The following ZNF536 variants were observed in gnomAD, a reference collection of about 807,000 sequenced individuals.
ZNF536 encodes zinc finger protein 536.
In ZNF536, 13 loss-of-function variants were observed where a neutral mutation model predicts 84.5. That is an observed-to-expected ratio of 0.15 (90% CI 0.10 to 0.24). ZNF536 has a LOEUF of 0.24. Among genes scored for constraint, ZNF536 ranks in the 10% least tolerant of loss-of-function variants. ZNF536 has a pLI of 1.00. For synonymous variants in ZNF536, 811 were observed against 742.5 expected, an observed-to-expected ratio of 1.09 and a Z score of -1.50; for missense variants, 1,536 against 1,747.5, an observed-to-expected ratio of 0.88 and a Z score of 2.16.
chr19:30,402,156 G>A (rs1198775957), intron 1 of ZNF536, among the ~76,000 whole-genome samples: 3 of 151,872 alleles, frequency 2.0e-5, no homozygotes, highest in Non-Finnish European at 2.9e-5. Context: ...TACTAGCAAC[G>A]GTAAACACTT....
intron 3 of ZNF536, 26 bp from the exon 4 acceptor site, chr19:30,547,917 T>C: frequency 6.6e-7 from 1 of 1,513,320 alleles, no homozygotes; most frequent in Non-Finnish European, 8.8e-7. Flanking sequence ...AACGCCTCTT[T>C]TTTTTCTTAT....
At chr19:30,248,647 A>G (rs191621448) in intron 1 of ZNF536, among the ~76,000 whole-genome samples, 1 of 152,190 alleles carries the variant, frequency 6.6e-6, no homozygotes, top group East Asian at 1.9e-4. Flanking sequence ...CTTTTATCTT[A>G]TGAACTGCCC....
At position 30,410,014 on chromosome 19, in the gene ZNF536, C is replaced by G. The variant is rs375111378; in HGVS notation, c.-2-33547C>G. ...CTCTTCATACATCAGAGATATTAAC[C>G]CTTTGTCTTATACACATCTTCTAAT... On this transcript the variant is annotated intron_variant, in intron 1 of 4. Coordinates refer to ENST00000355537, the MANE Select transcript of ZNF536 (RefSeq NM_014717.3). Among the ~76,000 whole-genome samples the G allele has an allele frequency of 2.6e-5, 4 of 151,930 alleles. No individual in the cohort carries two copies. In the South Asian group the frequency reaches 6.2e-4, roughly 24 times the overall value.
rs2048206829 is a variant in ZNF536 at position 30,614,371 on chromosome 19, C to A, written c.169+64857C>A. Among the ~76,000 whole-genome samples the A allele has an allele frequency of 2.1e-5, 3 of 144,234 alleles. No homozygotes were observed. The South Asian group carries it at 6.7e-4, about 32-fold the overall frequency. The allele number at this position is 144,234 out of a possible 152,430, so 94.6% of individuals were successfully genotyped here. ...ACTTAACCATTACCCTGTTGATGAA[C>A]AATTTGATTATACATAACTATATAT... On this transcript the variant is annotated intron_variant, in intron 1 of 1. Transcript: ENST00000592773.
At chr19:30,490,967 G>T (rs1382559048) in intron 2 of ZNF536, among the ~76,000 whole-genome samples, 4 of 152,094 alleles carry the variant, frequency 2.6e-5, no homozygotes, top group African/African-American at 9.7e-5. Flanking sequence ...GAACAGGAGT[G>T]GGCAGGCACT....
chr19:30,297,403 A>G (rs930103316), intron 2 of ZNF536, among the ~76,000 whole-genome samples: 2 of 152,186 alleles, frequency 1.3e-5, no homozygotes, highest in African/African-American at 4.8e-5. Context: ...TTTGATCTTA[A>G]GCCACTTCTT....
intron 1 of ZNF536, among the ~76,000 whole-genome samples, chr19:30,411,414 A>G (rs980965809): frequency 6.6e-6 from 1 of 152,184 alleles, no homozygotes; most frequent in South Asian, 2.1e-4. Context: ...TTATTTATAC[A>G]ACTTTATATG....
At chr19:30,512,700 C>T (rs1026922227) in intron 2 of ZNF536, among the ~76,000 whole-genome samples, 5 of 151,556 alleles carry the variant, frequency 3.3e-5, no homozygotes, top group Admixed American at 6.6e-5. Context: ...CACTGAATAA[C>T]TTTAATCTAA....
chr19:30,496,367 T>G (rs2054718802), intron 2 of ZNF536, among the ~76,000 whole-genome samples: 1 of 152,182 alleles, frequency 6.6e-6, no homozygotes, highest in African/African-American at 2.4e-5. Context: ...AAGCAGACAT[T>G]GTCACTTCTG....
At chr19:30,322,267 T>G (rs1052776273) in intron 2 of ZNF536, among the ~76,000 whole-genome samples, 1 of 152,226 alleles carries the variant, frequency 6.6e-6, no homozygotes, top group African/African-American at 2.4e-5. Context: ...AATTCTTTTA[T>G]TATTGGCTTT....
chr19:30,447,400 C>G (rs951856002), intron 2 of ZNF536, among the ~76,000 whole-genome samples: 1 of 152,194 alleles, frequency 6.6e-6, no homozygotes, highest in Non-Finnish European at 1.5e-5. Context: ...ATTGTTAAGA[C>G]ACATAAATCT....
intron 2 of ZNF536, among the ~76,000 whole-genome samples, chr19:30,447,390 ATTG>A (rs1451432586): frequency 1.3e-5 from 2 of 152,220 alleles, no homozygotes; most frequent in Non-Finnish European, 2.9e-5. Flanking sequence ...CCAGTAAAGA[ATTG>A]TTAAGACACA....
intron 1 of ZNF536, among the ~76,000 whole-genome samples, chr19:30,423,319 A>C (rs1194483339): frequency 6.6e-6 from 1 of 152,074 alleles, no homozygotes; most frequent in Non-Finnish European, 1.5e-5. Context: ...TCCACTAAAT[A>C]AATATTTTAT....
chr19:30,234,760 C>T (rs1279979777), intron 1 of ZNF536, among the ~76,000 whole-genome samples: 1 of 150,422 alleles, frequency 6.6e-6, no homozygotes. Flanking sequence ...CACACACACA[C>T]ACACACACAC....
intron 1 of ZNF536, among the ~76,000 whole-genome samples, chr19:30,238,271 T>G (rs2023683120): frequency 6.6e-6 from 1 of 152,056 alleles, no homozygotes; most frequent in Non-Finnish European, 1.5e-5. Context: ...TTTGGGGTGA[T>G]GTACCTGGGA....
At chr19:30,669,925 TC>T (rs2050479140) in intron 1 of ZNF536, among the ~76,000 whole-genome samples, 1 of 152,188 alleles carries the variant, frequency 6.6e-6, no homozygotes. Context: ...ACTGGATTGT[TC>T]CTGCTTCTAC....
chr19:30,536,095 G>A (rs1760794537), intron 3 of ZNF536, among the ~76,000 whole-genome samples: 1 of 152,124 alleles, frequency 6.6e-6, no homozygotes, highest in Admixed American at 6.5e-5. Context: ...AGGCCAAAGA[G>A]GTGTCTTTTA....
At chr19:30,581,542 A>G (rs2046921880) in intron 1 of ZNF536, among the ~76,000 whole-genome samples, 4 of 152,288 alleles carry the variant, frequency 2.6e-5, no homozygotes, top group Admixed American at 2.6e-4. Context: ...TGAGGACTGG[A>G]AACAGCTCTT....
intron 1 of ZNF536, among the ~76,000 whole-genome samples, chr19:30,594,034 G>A (rs2047362795): frequency 1.3e-5 from 2 of 152,190 alleles, no homozygotes; most frequent in South Asian, 2.1e-4. Context: ...ATGCCACGTG[G>A]AATGTCTTCC....
Sources: allele counts gnomAD v4.1 joint callset (sites outside exome capture counted in the v4.1 genomes callset), GRCh38; gene constraint gnomAD v4.1.1; transcripts MANE v1.5; gene names NCBI Gene and HGNC (gene_info 2026-07-23, HGNC 2026-07-21).